LAMA2: variants seen among roughly 807,000 people sequenced by gnomAD.
The protein encoded by LAMA2 is laminin subunit alpha 2, also known as laminin subunit alpha-2.
Under a neutral mutation model 364.8 loss-of-function variants are expected in LAMA2, and 269 were observed. The ratio of observed to expected loss-of-function variants is 0.74; its 90% CI spans 0.67 to 0.82. LAMA2 has a LOEUF of 0.82. Ranked by LOEUF, LAMA2 falls within the 40% of genes least tolerant of loss-of-function variation. The pLI is 0.00. For synonymous variants in LAMA2, 1,379 were observed against 1,370.6 expected (o/e 1.01, Z -0.14); for missense variants, 3,807 against 3,873.2 (o/e 0.98, Z 0.45).
intron 52 of LAMA2, 74 bp downstream of exon 52, chr6:129,473,426 GT>G: frequency 7.1e-7 from 1 of 1,402,596 alleles, no homozygotes; most frequent in South Asian, 1.2e-5. Context: ...GAGTTCTGAA[GT>G]TTAATTACAA....
intron 27 of LAMA2, among the ~76,000 whole-genome samples, chr6:129,318,741 A>G (rs1212102238): frequency 1.3e-5 from 2 of 152,218 alleles, no homozygotes; most frequent in Non-Finnish European, 2.9e-5. Flanking sequence ...ATCAAGACCA[A>G]TCTTCAGAGT....
chr6:129,116,561 T>C (rs2114910725), intron 4 of LAMA2, among the ~76,000 whole-genome samples: 1 of 152,246 alleles, frequency 6.6e-6, no homozygotes, highest in Non-Finnish European at 1.5e-5. Flanking sequence ...GAAGGGTTTT[T>C]CCATTCACTT....
At chr6:129,263,042 A>T (rs1787242549) in intron 15 of LAMA2, among the ~76,000 whole-genome samples, 1 of 152,178 alleles carries the variant, frequency 6.6e-6, no homozygotes, top group African/African-American at 2.4e-5. Context: ...ATTTCACTTG[A>T]CAGATGAGAC....
chr6:129,492,580 A>G, intron 58 of LAMA2, 97 bp downstream of exon 58: 4 of 1,103,552 alleles, frequency 3.6e-6, no homozygotes, highest in Non-Finnish European at 5.5e-6. Flanking sequence ...GTACACTCTG[A>G]TATTAGAATT....
chr6:129,365,286 C>A (rs773968500), intron 32 of LAMA2, among the ~76,000 whole-genome samples: 1 of 152,164 alleles, frequency 6.6e-6, no homozygotes. Context: ...TAAAGAGGAA[C>A]AGTTGGCAAA....
intron 37 of LAMA2, among the ~76,000 whole-genome samples, chr6:129,394,271 T>C (rs1779485911): frequency 6.6e-6 from 1 of 152,174 alleles, no homozygotes; most frequent in Non-Finnish European, 1.5e-5. Flanking sequence ...AACACATAAT[T>C]TCACCGTCAA....
intron 1 of LAMA2, among the ~76,000 whole-genome samples, chr6:128,989,966 C>T (rs1257938758): frequency 6.6e-6 from 1 of 152,098 alleles, no homozygotes; most frequent in Non-Finnish European, 1.5e-5. Flanking sequence ...CCCTAAAGCC[C>T]CACCTCCTGA....
intron 1 of LAMA2, among the ~76,000 whole-genome samples, chr6:128,994,487 T>C (rs778547058): frequency 6.6e-6 from 1 of 152,238 alleles, no homozygotes; most frequent in Non-Finnish European, 1.5e-5. Flanking sequence ...TGAGTAATTC[T>C]TGTTCACTTA....
intron 1 of LAMA2, among the ~76,000 whole-genome samples, chr6:129,011,717 C>G (rs12197539): frequency 0.29 from 44,475 of 152,044 alleles, 7,034 homozygotes; most frequent in African/African-American, 0.4. Flanking sequence ...CTGTTTACTC[C>G]GGACTTTCAG....
intron 1 of LAMA2, among the ~76,000 whole-genome samples, chr6:128,978,273 A>G (rs889312329): frequency 6.6e-6 from 1 of 151,982 alleles, no homozygotes; most frequent in Admixed American, 6.5e-5. Flanking sequence ...CCAAGAATCT[A>G]GTTATCCTTT....
At chr6:129,214,476 C>T (rs1411729060) in intron 12 of LAMA2, among the ~76,000 whole-genome samples, 2 of 152,176 alleles carry the variant, frequency 1.3e-5, no homozygotes, top group African/African-American at 4.8e-5. Flanking sequence ...TGTGACAAAC[C>T]ATATTCTAAC....
intron 40 of LAMA2, among the ~76,000 whole-genome samples, chr6:129,417,132 C>T (rs1780837038): frequency 6.6e-6 from 1 of 152,090 alleles, no homozygotes; most frequent in Admixed American, 6.5e-5. Context: ...TGTTTCAACC[C>T]TGTTTGTGTT....
intron 34 of LAMA2, among the ~76,000 whole-genome samples, chr6:129,381,916 C>T (rs1160608986): frequency 6.6e-6 from 1 of 152,162 alleles, no homozygotes; most frequent in Non-Finnish European, 1.5e-5. Context: ...TTCATTTGTG[C>T]AAAACCTTGA....
At chr6:129,117,740 A>G (rs1207321533) in intron 4 of LAMA2, among the ~76,000 whole-genome samples, 1 of 152,198 alleles carries the variant, frequency 6.6e-6, no homozygotes, top group Non-Finnish European at 1.5e-5. Flanking sequence ...AATGCCTTGC[A>G]TCTTGTAACT....
chr6:129,227,274 G>A (rs1046090595), intron 12 of LAMA2, among the ~76,000 whole-genome samples: 1 of 152,056 alleles, frequency 6.6e-6, no homozygotes, highest in South Asian at 2.1e-4. Flanking sequence ...TGATGGGTTC[G>A]AACTTCCTCC....
chr6:129,011,721 C>T (rs529888443), intron 1 of LAMA2, among the ~76,000 whole-genome samples: 3 of 152,290 alleles, frequency 2.0e-5, no homozygotes, highest in African/African-American at 4.8e-5. Context: ...TTACTCCGGA[C>T]TTTCAGGGTC....
At chr6:129,299,814 G>A (rs551416966) in intron 21 of LAMA2, among the ~76,000 whole-genome samples, 2 of 152,276 alleles carry the variant, frequency 1.3e-5, no homozygotes, top group African/African-American at 4.8e-5. Flanking sequence ...CATAAAAAGT[G>A]AATTTAGTCA....
At chr6:129,389,788 A>C (rs1193240331) in intron 35 of LAMA2, among the ~76,000 whole-genome samples, 1 of 152,102 alleles carries the variant, frequency 6.6e-6, no homozygotes, top group African/African-American at 2.4e-5. Flanking sequence ...TGATCTTGTG[A>C]GAATTTATTC....
At chr6:129,328,237 T>C in intron 28 of LAMA2, 41 bp from the exon 29 acceptor site, 1 of 1,562,506 alleles carries the variant, frequency 6.4e-7, no homozygotes. Context: ...TAATGCAGTA[T>C]TTCTAACTTT....
Sources: allele counts gnomAD v4.1 joint callset (sites outside exome capture counted in the v4.1 genomes callset), GRCh38; gene constraint gnomAD v4.1.1; transcripts MANE v1.5; gene names NCBI Gene and HGNC (gene_info 2026-07-23, HGNC 2026-07-21).